Variants in LRIG3 observed in about 807,000 individuals in gnomAD.
LRIG3 encodes leucine rich repeats and immunoglobulin like domains 3.
In LRIG3, 76 loss-of-function variants were observed where a neutral mutation model predicts 114.5. The observed-to-expected ratio is 0.66, with a 90% CI of 0.55 to 0.80. The LOEUF is 0.80. Ranked by LOEUF, LRIG3 falls within the 30% of genes least tolerant of loss-of-function variation. The pLI, the probability that LRIG3 is intolerant of heterozygous loss-of-function variation, is 0.00. For missense variants in LRIG3, 1,239 were observed against 1,382.8 expected, an observed-to-expected ratio of 0.90 and a Z score of 1.65; for synonymous variants, 512 against 519.8, an observed-to-expected ratio of 0.98 and a Z score of 0.20.
At chr12:58,885,794 G>T (rs922936030) in intron 10 of LRIG3, 37 bp downstream of exon 10, 10 of 1,400,286 alleles carry the variant, frequency 7.1e-6, no homozygotes, top group Non-Finnish European at 9.7e-6. Flanking sequence ...CCATCTTAGA[G>T]ATTCTCTTTT....
At position 58,905,911 on chromosome 12, in the gene LRIG3, G is replaced by A. The variant is rs550556598; in HGVS notation, c.383+8071C>T. Among the ~76,000 whole-genome samples the A allele has an allele frequency of 3.9e-5, 6 of 152,200 alleles. No homozygotes were observed. In the East Asian group the frequency reaches 1.2e-3, roughly 29 times the overall value. On this transcript the variant is annotated intron_variant, in intron 3 of 18. Coordinates refer to ENST00000320743, the MANE Select transcript of LRIG3 (RefSeq NM_153377.5). ...TCTTCATAAATTAAAGACTCTATAGGTATTCTGTATAGCTTTCTGCATAGG... is the reference window on the plus strand; with the variant it reads ...TCTTCATAAATTAAAGACTCTATAGATATTCTGTATAGCTTTCTGCATAGG...
chr12:58,903,360 A>T (rs1871938741), intron 3 of LRIG3, among the ~76,000 whole-genome samples: 1 of 152,210 alleles, frequency 6.6e-6, no homozygotes, highest in South Asian at 2.1e-4. Flanking sequence ...GGCTGCATAA[A>T]TGTCTTCTTT....
rs761316384 is a variant in LRIG3 at position 58,874,410 on chromosome 12, C to A, written c.2839+20G>T. 2 of 1,613,710 alleles carry A rather than the reference C, an allele frequency of 1.2e-6. No individual in the cohort carries two copies. On this transcript the variant is annotated intron_variant, in intron 17 of 18. Transcript: ENST00000320743. ...TCTCTCTAAGAAACAGAACTGTACTCAAGCAAGAAAACCACCTACCTGTAT... is the reference window on the plus strand; with the variant it reads ...TCTCTCTAAGAAACAGAACTGTACTAAAGCAAGAAAACCACCTACCTGTAT...
Position 58,880,720 on chromosome 12 carries a change from G to C in LRIG3, c.1662C>G (p.Ala554=), listed in dbSNP as rs1871099153. Residue 554 remains alanine, a synonymous_variant, in exon 13 of 19, where the codon GCC becomes GCG. Coordinates refer to ENST00000320743, the MANE Select transcript of LRIG3 (RefSeq NM_153377.5). The part of the protein sequence containing the change: ...AEMENYAHLR[A]QGGEVMEYTT... ...TATACTCCATCACCTCGCCACCTTG[G>C]GCCCGGAGGTGTGCATAATTTTCCA... 6.2e-7 allele frequency: 1 copy of C among 1,614,038 alleles called. No individual in the cohort carries two copies. The highest frequency in any genetic ancestry group is 1.1e-5 in the South Asian group (1 of 91,086).
At chr12:58,917,789 G>T (rs1293317715) in intron 1 of LRIG3, among the ~76,000 whole-genome samples, 1 of 152,198 alleles carries the variant, frequency 6.6e-6, no homozygotes, top group East Asian at 1.9e-4. Context: ...CAAGGAAAGG[G>T]AAGGTAAGAT....
chr12:58,883,324 C>T (rs954862299), intron 11 of LRIG3, among the ~76,000 whole-genome samples, 196 bp downstream of exon 11: 10 of 152,018 alleles, frequency 6.6e-5, no homozygotes, highest in African/African-American at 9.7e-5. Flanking sequence ...CACAAAGTTG[C>T]GAATTTAAAA....
Position 58,919,997 on chromosome 12 carries a change from TAC to T in LRIG3, c.236+1_236+2del. 1 of 1,550,806 alleles carries T rather than the reference TAC, an allele frequency of 6.4e-7. No individual in the cohort carries two copies. Among genetic ancestry groups the T allele is most frequent in the Non-Finnish European group, 8.7e-7 (1 of 1,147,138 alleles). On this transcript the variant is annotated splice_donor_variant, in intron 1 of 18. Transcript: ENST00000320743. LOFTEE classifies it high-confidence loss of function. ...CCCCTCCCCCCGCGGGAAGAATACT[TAC>T]AGCCGAGCGACCCAGGACGGGAGTG... is the stretch of plus-strand genomic sequence containing the variant.
chr12:58,879,170 T>G, intron 13 of LRIG3, 65 bp from the exon 14 acceptor site: 1 of 1,482,202 alleles, frequency 6.7e-7, no homozygotes, highest in East Asian at 2.3e-5. Context: ...TTGCATTCCT[T>G]TTTATTATTT....
intron 3 of LRIG3, among the ~76,000 whole-genome samples, chr12:58,903,109 T>C (rs1019093831): frequency 2.0e-5 from 3 of 152,328 alleles, no homozygotes; most frequent in South Asian, 2.1e-4. Flanking sequence ...CTGGGTCAAA[T>C]GGTATTTCTA....
At chr12:58,893,669 G>T (rs1238124386) in intron 3 of LRIG3, among the ~76,000 whole-genome samples, 1 of 152,212 alleles carries the variant, frequency 6.6e-6, no homozygotes, top group Non-Finnish European at 1.5e-5. Context: ...CTTAGGGTCA[G>T]GGTGTGTGGG....
At chr12:58,879,466 T>C (rs1180344768) in intron 13 of LRIG3, among the ~76,000 whole-genome samples, 1 of 152,228 alleles carries the variant, frequency 6.6e-6, no homozygotes, top group Non-Finnish European at 1.5e-5. Flanking sequence ...TTCATCTATT[T>C]TTTTTTTAAA....
At chr12:58,887,693 C>A (rs1014509404) in intron 8 of LRIG3, 96 bp downstream of exon 8, 5 of 1,271,984 alleles carry the variant, frequency 3.9e-6, no homozygotes, top group Non-Finnish European at 5.6e-6. Flanking sequence ...AGGCTGTATG[C>A]ATTTCCTTGA....
chr12:58,905,206 G>C (rs760219668), intron 3 of LRIG3, among the ~76,000 whole-genome samples: 8 of 152,152 alleles, frequency 5.3e-5, no homozygotes, highest in Admixed American at 1.3e-4. Context: ...AGGGTTTAAG[G>C]AATCATGCAG....
chr12:58,902,678 C>T (rs1871902989), intron 3 of LRIG3, among the ~76,000 whole-genome samples: 2 of 151,672 alleles, frequency 1.3e-5, no homozygotes, highest in South Asian at 4.2e-4. Context: ...ATTAACTCGT[C>T]ATTTAGCATT....
intron 3 of LRIG3, among the ~76,000 whole-genome samples, chr12:58,906,930 T>G (rs946346687): frequency 6.6e-6 from 1 of 151,560 alleles, no homozygotes; most frequent in African/African-American, 2.4e-5. Context: ...TGCTTAACTG[T>G]AGTCATTTTA....
intron 18 of LRIG3, 133 bp from the exon 19 acceptor site, chr12:58,872,949 C>T (rs1870788670): frequency 8.3e-7 from 1 of 1,203,812 alleles, no homozygotes; most frequent in East Asian, 2.4e-5. Flanking sequence ...CATTATGGCA[C>T]TCACATACAT....
At position 58,874,080 on chromosome 12, in the gene LRIG3, C is replaced by T. The variant is rs557973342; in HGVS notation, c.3090G>A (p.Ser1030=). 1.2e-5 allele frequency: 20 copies of T among 1,614,144 alleles called. No homozygotes were observed. The highest frequency in any genetic ancestry group is 5.3e-5 in the African/African-American group (4 of 75,024). The change falls in exon 18 of 19, where the codon TCG becomes TCA. Residue 1030 remains serine (S), a synonymous_variant. Coordinates refer to ENST00000320743, the MANE Select transcript of LRIG3 (RefSeq NM_153377.5). ...LDFSANPEPA[S]VASSNSFMGT... Reference sequence around the variant, plus strand: ...CCATGAAAGAATTACTCGAGGCAACCGACGCTGGCTCTGGATTTGCACTAA... The same window carrying T: ...CCATGAAAGAATTACTCGAGGCAACTGACGCTGGCTCTGGATTTGCACTAA...
intron 13 of LRIG3, 44 bp downstream of exon 13, chr12:58,880,537 T>A: frequency 6.3e-7 from 1 of 1,581,014 alleles, no homozygotes; most frequent in Non-Finnish European, 8.6e-7. Context: ...TTTCTATTTC[T>A]AAAAGGTATC....
intron 15 of LRIG3, among the ~76,000 whole-genome samples, 173 bp downstream of exon 15, chr12:58,877,227 A>G (rs1870951327): frequency 1.3e-5 from 2 of 152,262 alleles, no homozygotes; most frequent in South Asian, 4.1e-4. Flanking sequence ...ATCTTTAAAC[A>G]TCAGCTTTAT....
Sources: gnomAD v4.1 joint callset for allele counts (sites outside exome capture counted in the v4.1 genomes callset) on GRCh38, gnomAD v4.1.1 for gene constraint, MANE v1.5 for transcripts, NCBI Gene and HGNC (gene_info 2026-07-23, HGNC 2026-07-21) for gene names.